ZMAT5: variants seen among roughly 807,000 people sequenced by gnomAD.
The protein encoded by ZMAT5 is zinc finger matrin-type 5, also known as zinc finger matrin-type protein 5.
Under a neutral mutation model 28.0 loss-of-function variants are expected in ZMAT5, and 23 were observed. The observed-to-expected ratio is 0.82, with a 90% CI of 0.59 to 1.16. ZMAT5 has a LOEUF of 1.16. Ranked by LOEUF, ZMAT5 falls within the 50% of genes most tolerant of loss-of-function variation. The pLI, the probability that ZMAT5 is intolerant of heterozygous loss-of-function variation, is 0.00. For missense variants in ZMAT5, 173 were observed against 212.7 expected (o/e 0.81, Z 1.16); for synonymous variants, 76 against 84.1 (o/e 0.90, Z 0.52).
At chr22:29,759,459 A>G (rs182088321) in intron 1 of ZMAT5, among the ~76,000 whole-genome samples, 1 of 152,306 alleles carries the variant, frequency 6.6e-6, no homozygotes, top group Non-Finnish European at 1.5e-5. Context: ...ATGGCTTCCA[A>G]GTGAGAAACT....
intron 1 of ZMAT5, among the ~76,000 whole-genome samples, chr22:29,763,659 A>G (rs1411517157): frequency 2.0e-5 from 3 of 151,958 alleles, no homozygotes; most frequent in East Asian, 3.9e-4. Flanking sequence ...GAGATGGCTC[A>G]TGTCTGTAAT....
At chr22:29,748,335 C>T (rs1440307573) in intron 2 of ZMAT5, 83 bp downstream of exon 2, 2 of 1,600,238 alleles carry the variant, frequency 1.2e-6, no homozygotes, top group Admixed American at 3.3e-5. Flanking sequence ...CCTAGACTGT[C>T]ACTGACCCAC....
intron 1 of ZMAT5, among the ~76,000 whole-genome samples, chr22:29,760,144 C>A (rs896719163): frequency 6.7e-6 from 1 of 150,216 alleles, no homozygotes; most frequent in Non-Finnish European, 1.5e-5. Flanking sequence ...GAGGTTGCAG[C>A]GAGCCGAGAT....
At chr22:29,733,149 T>C in intron 5 of ZMAT5, among the ~76,000 whole-genome samples, 1 of 152,140 alleles carries the variant, frequency 6.6e-6, no homozygotes, top group South Asian at 2.1e-4. Context: ...CAGCCCCACA[T>C]CGGCTGCAGA....
At chr22:29,736,681 C>T (rs2067907367) in intron 5 of ZMAT5, among the ~76,000 whole-genome samples, 1 of 130,258 alleles carries the variant, frequency 7.7e-6, no homozygotes. Context: ...GATCGTGCCA[C>T]TGCACTTCAG....
At chr22:29,735,083 T>G (rs2067891817) in intron 5 of ZMAT5, among the ~76,000 whole-genome samples, 1 of 151,862 alleles carries the variant, frequency 6.6e-6, no homozygotes, top group South Asian at 2.1e-4. Context: ...TTGCGGGGGC[T>G]GGGGCTGGAA....
At chr22:29,753,218 T>C (rs543383195) in intron 1 of ZMAT5, among the ~76,000 whole-genome samples, 2 of 152,236 alleles carry the variant, frequency 1.3e-5, no homozygotes, top group South Asian at 2.1e-4. Context: ...TTTCCTGCTA[T>C]GAAAACTGGG....
chr22:29,745,680 G>T (rs982548799), intron 2 of ZMAT5, among the ~76,000 whole-genome samples: 1 of 152,218 alleles, frequency 6.6e-6, no homozygotes, highest in African/African-American at 2.4e-5. Flanking sequence ...GACAAAATGA[G>T]GGCCACAGTG....
intron 1 of ZMAT5, among the ~76,000 whole-genome samples, chr22:29,759,589 A>AC (rs756500143): frequency 3.3e-5 from 5 of 152,094 alleles, no homozygotes; most frequent in East Asian, 3.9e-4. Context: ...ACATAGTGAG[A>AC]CCCCGTCTCT....
chr22:29,750,989 G>A (rs1467572518), intron 1 of ZMAT5, among the ~76,000 whole-genome samples: 3 of 152,136 alleles, frequency 2.0e-5, no homozygotes, highest in African/African-American at 4.8e-5. Context: ...CAGAGGGACC[G>A]TGTCCCAGAC....
intron 1 of ZMAT5, chr22:29,758,900 G>A (rs1037164582): frequency 6.6e-6 from 1 of 152,306 alleles, no homozygotes; most frequent in South Asian, 2.1e-4. Context: ...GTAAGGCGGG[G>A]ATAAATCCTA....
intron 2 of ZMAT5, among the ~76,000 whole-genome samples, 154 bp from the exon 3 acceptor site, chr22:29,742,634 G>A (rs2147222351): frequency 6.6e-6 from 1 of 152,310 alleles, no homozygotes; most frequent in Admixed American, 6.5e-5. Flanking sequence ...AGCAGGAGAT[G>A]ACCACAGGTG....
chr22:29,756,935 A>G (rs1367993147), intron 1 of ZMAT5, among the ~76,000 whole-genome samples: 1 of 152,106 alleles, frequency 6.6e-6, no homozygotes, highest in East Asian at 1.9e-4. Context: ...GCTAGTCGGG[A>G]GGCTGAGGCA....
chr22:29,755,359 GA>G (rs2068090727), intron 1 of ZMAT5, among the ~76,000 whole-genome samples: 1 of 37,344 alleles, frequency 2.7e-5, no homozygotes, highest in African/African-American at 1.6e-4. Context: ...GGGAGGGAGG[GA>G]GGGAGGGGGA....
At chr22:29,741,299 C>T (rs1055328225) in intron 3 of ZMAT5, among the ~76,000 whole-genome samples, 2 of 152,170 alleles carry the variant, frequency 1.3e-5, no homozygotes, top group African/African-American at 4.8e-5. Flanking sequence ...GGAGGTGTCT[C>T]AAGCCAGGAT....
rs1178341549 is a variant in ZMAT5, at chr22:29,740,692, T to C, written c.229A>G (p.Met77Val). 4.4e-6 allele frequency: 7 copies of C among 1,605,344 alleles called. 1 individual carries two copies. The South Asian group carries it at 7.9e-5, about 18-fold the overall frequency. Residue 77 changes from methionine to valine, a missense_variant, in exon 4 of 6, where the codon ATG becomes GTG. Physicochemically the swap from Met to Val is conservative, Grantham distance 21. Coordinates refer to ENST00000344318, the MANE Select transcript of ZMAT5 (RefSeq NM_001003692.2). ...AGCTCCTGCAGGTCTCGCTCTGACA[T>C]GTGGGAAAATCTGCAGTTGGAGCCA... ...DFGSNCRFSH[M>V]SERDLQELSI...
chr22:29,731,143 G>A lies in ZMAT5; in HGVS notation c.*82C>T, dbSNP rs1424779294. The A allele has an allele frequency of 7.2e-7, 1 of 1,392,112 alleles. No homozygotes were observed. The highest frequency in any genetic ancestry group is 9.4e-7 in the Non-Finnish European group (1 of 1,062,890). 86.2% of individuals were successfully genotyped at this position (1,392,112 alleles called of 1,614,324 possible). A position where few individuals can be genotyped will look rare whatever the true frequency, so the allele number is the denominator to read the frequency against. ...GCAGATGGTCTCGGAGCCTCCATGG[G>A]GCGTAGCAGGAACCGGGCTTGGCTT... On this transcript the variant is annotated 3_prime_UTR_variant, in exon 6 of 6. Coordinates refer to ENST00000344318, the MANE Select transcript of ZMAT5 (RefSeq NM_001003692.2).
intron 1 of ZMAT5, among the ~76,000 whole-genome samples, chr22:29,752,943 T>C (rs1236176680): frequency 6.6e-6 from 1 of 152,162 alleles, no homozygotes; most frequent in East Asian, 1.9e-4. Context: ...GCATGCTCAC[T>C]GAGCACCACC....
intron 5 of ZMAT5, among the ~76,000 whole-genome samples, chr22:29,736,337 T>A (rs1473002076): frequency 1.3e-5 from 2 of 152,128 alleles, no homozygotes; most frequent in Non-Finnish European, 2.9e-5. Context: ...AACGTTTGAG[T>A]CATGTCTGTA....
Sources: gnomAD v4.1 joint callset for allele counts (sites outside exome capture counted in the v4.1 genomes callset) on GRCh38, gnomAD v4.1.1 for gene constraint, MANE v1.5 for transcripts, NCBI Gene and HGNC (gene_info 2026-07-23, HGNC 2026-07-21) for gene names.